Variants in FHOD3 observed in about 807,000 individuals in gnomAD.
FHOD3 encodes FH1/FH2 domain-containing protein 3.
A neutral mutation model predicts 173.0 loss-of-function variants in FHOD3; 90 were observed. The observed-to-expected ratio is 0.52, with a 90% CI of 0.44 to 0.62. The LOEUF (loss-of-function observed/expected upper bound fraction) is 0.62, where lower values mean the gene tolerates loss of function less well. Among genes scored for constraint, FHOD3 ranks in the 20% least tolerant of loss-of-function variants. The probability of loss-of-function intolerance (pLI) is 0.00; values close to 1 mark genes in which losing one functional copy is unlikely to be tolerated. For synonymous variants in FHOD3, 828 were observed against 823.0 expected, an observed-to-expected ratio of 1.01 and a Z score of -0.10; for missense variants, 1,945 against 2,034.7, an observed-to-expected ratio of 0.96 and a Z score of 0.85.
At chr18:36,371,311 A>G (rs1482642336) in intron 2 of FHOD3, among the ~76,000 whole-genome samples, 1 of 152,224 alleles carries the variant, frequency 6.6e-6, no homozygotes, top group African/African-American at 2.4e-5. Flanking sequence ...GAGACTGGGT[A>G]ATTTATAAAG....
intron 3 of FHOD3, among the ~76,000 whole-genome samples, chr18:36,447,485 T>A (rs922795515): frequency 7.3e-6 from 1 of 137,246 alleles, no homozygotes; most frequent in Non-Finnish European, 1.5e-5. Context: ...TGAGCTGGTT[T>A]TGTTTTGTTT....
chr18:36,701,643 G>A (rs947703612), intron 17 of FHOD3, among the ~76,000 whole-genome samples: 9 of 151,982 alleles, frequency 5.9e-5, no homozygotes, highest in East Asian at 1.9e-4. Context: ...TGATTCCAAC[G>A]TGCCCCTTGT....
chr18:36,657,959 G>A, intron 13 of FHOD3, 116 bp from the exon 14 acceptor site: 1 of 693,072 alleles, frequency 1.4e-6, no homozygotes, highest in South Asian at 1.9e-5. Context: ...AACAGTGGTA[G>A]CATTTCCAGA....
At chr18:36,660,107 A>G (rs953765377) in intron 14 of FHOD3, among the ~76,000 whole-genome samples, 1 of 152,132 alleles carries the variant, frequency 6.6e-6, no homozygotes, top group Non-Finnish European at 1.5e-5. Flanking sequence ...CGTCTCTACT[A>G]AAAATACAAA....
chr18:36,575,812 T>C (rs1260811260), intron 5 of FHOD3, among the ~76,000 whole-genome samples: 1 of 152,218 alleles, frequency 6.6e-6, no homozygotes, highest in South Asian at 2.1e-4. Context: ...TGGAGAATAA[T>C]GATGGTATAT....
At position 36,381,855 on chromosome 18, in the gene FHOD3, C is replaced by T. The variant is rs1335024363; in HGVS notation, c.337+9111C>T. The stretch of plus-strand genomic sequence containing the variant: ...CTAAGTACCATGTGCTAACAGATGA[C>T]GCCATGGTATCACCTCAAAGGAGTG... On this transcript the variant is annotated intron_variant, in intron 3 of 28. Transcript: ENST00000590592. Among the ~76,000 whole-genome samples the T allele has an allele frequency of 5.9e-5, 9 of 152,266 alleles. No homozygotes were observed. The South Asian group carries it at 6.2e-4, about 11-fold the overall frequency.
At chr18:36,743,402 A>T (rs1048498864) in intron 22 of FHOD3, among the ~76,000 whole-genome samples, 1 of 151,470 alleles carries the variant, frequency 6.6e-6, no homozygotes, top group South Asian at 2.1e-4. Context: ...AAACACACAC[A>T]TGATTCTTTA....
At chr18:36,715,883 G>A (rs750320148) in intron 18 of FHOD3, among the ~76,000 whole-genome samples, 3 of 152,248 alleles carry the variant, frequency 2.0e-5, no homozygotes, top group Non-Finnish European at 2.9e-5. Flanking sequence ...TTAACTAGGT[G>A]TAGTTTATCC....
chr18:36,351,372 C>CATGG (rs1352701476), intron 1 of FHOD3, among the ~76,000 whole-genome samples: 2 of 152,272 alleles, frequency 1.3e-5, no homozygotes, highest in African/African-American at 4.8e-5. Context: ...GGGACTCGGG[C>CATGG]AGTTCCATGG....
intron 14 of FHOD3, among the ~76,000 whole-genome samples, chr18:36,667,677 A>AT (rs780991662): frequency 3.9e-5 from 6 of 152,214 alleles, no homozygotes; most frequent in Non-Finnish European, 7.4e-5. Flanking sequence ...ACTCACCATG[A>AT]ATGGAGCTTA....
chr18:36,478,104 T>C (rs992396595), intron 3 of FHOD3, among the ~76,000 whole-genome samples: 3 of 152,144 alleles, frequency 2.0e-5, no homozygotes, highest in Non-Finnish European at 4.4e-5. Flanking sequence ...AGTGGGGGTG[T>C]CATTTGAGCA....
At chr18:36,736,305 A>T (rs2041627475) in intron 20 of FHOD3, among the ~76,000 whole-genome samples, 1 of 152,234 alleles carries the variant, frequency 6.6e-6, no homozygotes, top group South Asian at 2.1e-4. Context: ...CTTAAATGTT[A>T]ACTCAGTTGG....
At chr18:36,743,543 CT>C (rs560546042) in intron 22 of FHOD3, among the ~76,000 whole-genome samples, 1 of 151,794 alleles carries the variant, frequency 6.6e-6, no homozygotes. Flanking sequence ...GTTTAAAAAT[CT>C]TTTTTTTAAG....
intron 5 of FHOD3, among the ~76,000 whole-genome samples, chr18:36,537,461 TG>T (rs953628480): frequency 1.3e-5 from 2 of 152,126 alleles, no homozygotes; most frequent in African/African-American, 4.8e-5. Context: ...GGACACCACA[TG>T]GGGAACCTGG....
chr18:36,599,326 G>C (rs2030995993), intron 7 of FHOD3, among the ~76,000 whole-genome samples: 1 of 152,156 alleles, frequency 6.6e-6, no homozygotes, highest in African/African-American at 2.4e-5. Context: ...TTTTTCATTT[G>C]ATAATTCTTA....
At chr18:36,378,610 AAAAAAG>A in intron 3 of FHOD3, among the ~76,000 whole-genome samples, 1 of 151,798 alleles carries the variant, frequency 6.6e-6, no homozygotes, top group East Asian at 1.9e-4. Flanking sequence ...AAAAAAAAAA[AAAAAAG>A]AGAGATGGGA....
At chr18:36,454,464 A>G (rs2052050356) in intron 3 of FHOD3, among the ~76,000 whole-genome samples, 1 of 152,158 alleles carries the variant, frequency 6.6e-6, no homozygotes, top group Non-Finnish European at 1.5e-5. Context: ...CATTATTAAG[A>G]TGATGTCAAT....
Position 36,661,459 on chromosome 18 carries a change from A to G in FHOD3, c.1835+3271A>G, listed in dbSNP as rs79217343. On this transcript the variant is annotated intron_variant, in intron 14 of 28. Transcript: ENST00000590592. ...TATCAATAATGGTTACATTTCTGCA[A>G]TGAGGATGCGCGTCTTCTGTGATCA... Among the ~76,000 whole-genome samples, 322 of 152,326 alleles carry G rather than the reference A, an allele frequency of 2.1e-3. 1 individual carries two copies. The highest frequency in any genetic ancestry group is 7.1e-3 in the African/African-American group (296 of 41,562).
chr18:36,341,944 T>C (rs1398407872), intron 1 of FHOD3, among the ~76,000 whole-genome samples: 2 of 152,186 alleles, frequency 1.3e-5, no homozygotes, highest in African/African-American at 4.8e-5. Flanking sequence ...GATAACAGAA[T>C]GATCAGATAT....
Sources: allele counts gnomAD v4.1 joint callset (sites outside exome capture counted in the v4.1 genomes callset), GRCh38; gene constraint gnomAD v4.1.1; transcripts MANE v1.5; gene names NCBI Gene and HGNC (gene_info 2026-07-23, HGNC 2026-07-21).